Variants in IKZF2 observed in about 807,000 individuals in gnomAD.
IKZF2 encodes IKAROS family zinc finger 2.
In IKZF2, 15 loss-of-function variants were observed where a neutral mutation model predicts 49.2. The observed-to-expected ratio is 0.30, with a 90% confidence interval of 0.20 to 0.47. The LOEUF is 0.47. Ranked by LOEUF, IKZF2 falls within the 20% of genes least tolerant of loss-of-function variation. The pLI is 1.00. For synonymous variants in IKZF2, 227 were observed against 221.4 expected, an observed-to-expected ratio of 1.03 and a Z score of -0.23; for missense variants, 567 against 664.6, an observed-to-expected ratio of 0.85 and a Z score of 1.61.
chr2:213,147,149 A>G (rs921346192), intron 4 of IKZF2, among the ~76,000 whole-genome samples: 6 of 152,168 alleles, frequency 3.9e-5, no homozygotes, highest in African/African-American at 1.4e-4. Context: ...ATCTTTCCAA[A>G]TTTTATCAGT....
chr2:213,022,216 GA>G lies in IKZF2; in HGVS notation c.575-87del. 2.4e-6 allele frequency: 3 copies of G among 1,265,842 alleles called. No homozygotes were observed. The South Asian group carries it at 5.5e-5, about 23-fold the overall frequency. 78.4% of individuals were successfully genotyped at this position (1,265,842 alleles called of 1,614,324 possible). On this transcript the variant is annotated intron_variant, in intron 6 of 8. Transcript: ENST00000434687. ...ATAGCTAACTTTTGATAGTCTGGAG[GA>G]AGCACTCATATAATTTTCAGACTTA...
intron 2 of IKZF2, 43 bp downstream of exon 2, chr2:213,150,098 AAAG>A: frequency 1.8e-6 from 2 of 1,124,486 alleles, no homozygotes; most frequent in Non-Finnish European, 2.4e-6. Context: ...TCAGAGAAGG[AAAG>A]AAGGAAAAAG....
intron 4 of IKZF2, among the ~76,000 whole-genome samples, chr2:213,070,298 A>G (rs1702561854): frequency 6.6e-6 from 1 of 152,158 alleles, no homozygotes; most frequent in Non-Finnish European, 1.5e-5. Flanking sequence ...GATCAAGTTA[A>G]GCTTTAAATG....
At position 213,078,481 on chromosome 2, in the gene IKZF2, C is replaced by A. The variant is rs190274677; in HGVS notation, c.140-21382G>T. On this transcript the variant is annotated intron_variant, in intron 4 of 8. Coordinates refer to ENST00000434687, the MANE Select transcript of IKZF2 (RefSeq NM_001387220.1). ...TTTCAAATCTTCCATCTCAATAGAT[C>A]TTCACACTAGAATATGAAGTAGGTG... 1.6e-4 allele frequency among the ~76,000 whole-genome samples: 24 copies of A among 152,298 alleles called. No individual in the cohort carries two copies. The East Asian group carries it at 4.6e-3, about 29-fold the overall frequency.
chr2:213,076,231 T>C (rs1703249375), intron 4 of IKZF2, among the ~76,000 whole-genome samples: 1 of 152,122 alleles, frequency 6.6e-6, no homozygotes, highest in Non-Finnish European at 1.5e-5. Flanking sequence ...ATCACCTAGT[T>C]TTCCACTAGA....
At chr2:213,140,795 G>A (rs1187243401) in intron 4 of IKZF2, among the ~76,000 whole-genome samples, 2 of 151,910 alleles carry the variant, frequency 1.3e-5, no homozygotes, top group African/African-American at 4.8e-5. Context: ...ATTTAATGGG[G>A]CAATTGAGGA....
chr2:213,102,200 A>G (rs1331331417), intron 4 of IKZF2, among the ~76,000 whole-genome samples: 1 of 152,134 alleles, frequency 6.6e-6, no homozygotes. Flanking sequence ...TTGAGATGGG[A>G]CAGATGCATA....
At chr2:213,022,653 T>G (rs1181267175) in intron 6 of IKZF2, among the ~76,000 whole-genome samples, 1 of 152,218 alleles carries the variant, frequency 6.6e-6, no homozygotes, top group Non-Finnish European at 1.5e-5. Context: ...AAAGTACAGA[T>G]GAAAGTAGAG....
In IKZF2 at chr2:213,150,214, T is replaced by G; in HGVS notation, c.-86A>C. 7.7e-7 allele frequency: 1 copy of G among 1,293,640 alleles called. No individual in the cohort carries two copies. The highest frequency in any genetic ancestry group is 1.5e-5 in the African/African-American group (1 of 65,792). The allele number at this position is 1,293,640 out of a possible 1,614,324, so 80.1% of individuals were successfully genotyped here. Reference sequence around the variant, plus strand: ...GCTCTGTCGGGAGATCTCAGCTTCTTCTAACCCCTCAAAGAGGAGGTGACA... The same window carrying G: ...GCTCTGTCGGGAGATCTCAGCTTCTGCTAACCCCTCAAAGAGGAGGTGACA... On this transcript the variant is annotated 5_prime_UTR_variant, in exon 2 of 9. Coordinates refer to ENST00000434687, the MANE Select transcript of IKZF2 (RefSeq NM_001387220.1).
intron 4 of IKZF2, among the ~76,000 whole-genome samples, chr2:213,079,265 A>G (rs188104049): frequency 4.6e-5 from 7 of 152,036 alleles, no homozygotes; most frequent in Admixed American, 6.5e-5. Flanking sequence ...TGTAGTCCCA[A>G]CTACTTGGGG....
intron 4 of IKZF2, among the ~76,000 whole-genome samples, chr2:213,064,165 C>T (rs566402662): frequency 6.6e-6 from 1 of 151,958 alleles, no homozygotes; most frequent in African/African-American, 2.4e-5. Context: ...CCTTGTCCTG[C>T]TATGAATTAT....
Position 213,008,667 on chromosome 2 carries a change from T to C in IKZF2, c.857-583A>G, listed in dbSNP as rs371917861. 5.3e-5 allele frequency among the ~76,000 whole-genome samples: 8 copies of C among 152,258 alleles called. No individual in the cohort carries two copies. In the East Asian group the frequency reaches 9.7e-4, roughly 18 times the overall value. ...AGTTTATCATATTTTCATTTTCTTT[T>C]AAAATTCTCACTTGAATAGAGCTCA... On this transcript the variant is annotated intron_variant, in intron 8 of 8. Coordinates refer to ENST00000434687, the MANE Select transcript of IKZF2 (RefSeq NM_001387220.1).
intron 4 of IKZF2, among the ~76,000 whole-genome samples, chr2:213,076,779 T>A (rs954795316): frequency 1.3e-5 from 2 of 152,154 alleles, no homozygotes; most frequent in Non-Finnish European, 2.9e-5. Context: ...TATTAAGAAA[T>A]GAAAGTCCAG....
intron 4 of IKZF2, among the ~76,000 whole-genome samples, chr2:213,121,291 T>C (rs1201943401): frequency 1.3e-5 from 2 of 152,228 alleles, no homozygotes; most frequent in Non-Finnish European, 2.9e-5. Flanking sequence ...TTCTGATCTA[T>C]TTCTTCAGAC....
rs567660660 is a variant in IKZF2 at position 213,093,143 on chromosome 2, T to TA, written c.140-36045dup. On this transcript the variant is annotated intron_variant, in intron 4 of 8. Transcript: ENST00000434687. ...TCTGCTCTTCTCCCCACCCAACACCTAAAAAAATCATAAATCAAATTCTAC... is the reference window on the plus strand; with the variant it reads ...TCTGCTCTTCTCCCCACCCAACACCTAAAAAAAATCATAAATCAAATTCTAC... Among the ~76,000 whole-genome samples, 107 of 152,262 alleles carry TA rather than the reference T, an allele frequency of 7.0e-4. 1 individual carries two copies. The highest frequency in any genetic ancestry group is 5.5e-3 in the Admixed American group (84 of 15,294).
Position 213,007,344 on chromosome 2 carries a change from T to C in IKZF2, c.*16A>G. 6.2e-7 allele frequency: 1 copy of C among 1,608,958 alleles called. No individual in the cohort carries two copies. The highest frequency in any genetic ancestry group is 1.7e-5 in the Admixed American group (1 of 59,690). ...AGTTCTTTACTTCATAGGGGTCCCC[T>C]TTGGAATGAAAAGGCCTAGTGGAAT... On this transcript the variant is annotated 3_prime_UTR_variant, in exon 9 of 9. Transcript: ENST00000434687.
intron 4 of IKZF2, among the ~76,000 whole-genome samples, chr2:213,140,567 G>A (rs546224676): frequency 6.6e-6 from 1 of 151,940 alleles, no homozygotes; most frequent in African/African-American, 2.4e-5. Flanking sequence ...CATTAGAATA[G>A]AGGCACTGGA....
intron 7 of IKZF2, among the ~76,000 whole-genome samples, chr2:213,019,349 A>C (rs1050231928): frequency 2.0e-5 from 3 of 152,202 alleles, no homozygotes; most frequent in African/African-American, 7.2e-5. Context: ...AGAAGGGAAT[A>C]GATATAAGTT....
chr2:213,035,933 G>A (rs1025419263), intron 6 of IKZF2, among the ~76,000 whole-genome samples: 22 of 152,088 alleles, frequency 1.4e-4, no homozygotes, highest in Non-Finnish European at 3.2e-4. Context: ...ACAGACCAGA[G>A]CTTATATCTC....
Sources: allele counts gnomAD v4.1 joint callset (sites outside exome capture counted in the v4.1 genomes callset), GRCh38; gene constraint gnomAD v4.1.1; transcripts MANE v1.5; gene names NCBI Gene and HGNC (gene_info 2026-07-23, HGNC 2026-07-21).